Variants in DPH6 observed in about 807,000 individuals in gnomAD.
DPH6 encodes the protein diphthine--ammonia ligase.
In DPH6, 33 loss-of-function variants were observed where a neutral mutation model predicts 38.2. That is an observed-to-expected ratio of 0.86 (90% confidence interval 0.65 to 1.15). DPH6 has a LOEUF of 1.15. Ranked by LOEUF, DPH6 falls within the 50% of genes most tolerant of loss-of-function variation. DPH6 has a pLI of 0.00. For missense variants in DPH6, 325 were observed against 320.0 expected (o/e 1.02, Z -0.12); for synonymous variants, 108 against 103.0 (o/e 1.05, Z -0.30).
intron 3 of DPH6, among the ~76,000 whole-genome samples, chr15:35,311,856 A>T (rs1260827038): frequency 6.6e-6 from 1 of 152,182 alleles, no homozygotes; most frequent in Non-Finnish European, 1.5e-5. Flanking sequence ...TATGCCAAGG[A>T]TGCTGCAGAA....
At chr15:35,336,918 G>A (rs1227205544) in intron 3 of DPH6, among the ~76,000 whole-genome samples, 3 of 151,880 alleles carry the variant, frequency 2.0e-5, no homozygotes, top group African/African-American at 7.3e-5. Context: ...TTTTTTGGTT[G>A]TGTCTCTGCC....
At chr15:35,350,708 G>C (rs1359219497) in intron 3 of DPH6, among the ~76,000 whole-genome samples, 3 of 152,132 alleles carry the variant, frequency 2.0e-5, no homozygotes, top group African/African-American at 4.8e-5. Flanking sequence ...TCATTCAAGA[G>C]TGTATTAATT....
At chr15:35,388,433 G>T (rs1381300069) in intron 6 of DPH6, among the ~76,000 whole-genome samples, 1 of 152,144 alleles carries the variant, frequency 6.6e-6, no homozygotes, top group African/African-American at 2.4e-5. Context: ...GCTCCTCCTT[G>T]TATCTCTGGT....
chr15:35,184,432 G>A, the DPH6 span, among the ~76,000 whole-genome samples: 2 of 152,092 alleles, frequency 1.3e-5, no homozygotes, highest in African/African-American at 4.8e-5. Flanking sequence ...TAATAGGATT[G>A]GCCTCAAAGC....
At chr15:35,162,674 A>G in the DPH6 span, among the ~76,000 whole-genome samples, 2 of 151,798 alleles carry the variant, frequency 1.3e-5, no homozygotes, top group Non-Finnish European at 1.5e-5. Flanking sequence ...AATTTTTTTA[A>G]TCAACTCTCT....
chr15:35,364,709 TTTTTC>T (rs1319994177), intron 3 of DPH6, among the ~76,000 whole-genome samples: 2 of 152,034 alleles, frequency 1.3e-5, no homozygotes, highest in Non-Finnish European at 2.9e-5. Flanking sequence ...TTTTTTTTCC[TTTTTC>T]TTTTGTTTCC....
chr15:35,161,673 G>C, the DPH6 span, among the ~76,000 whole-genome samples: 1 of 146,882 alleles, frequency 6.8e-6, no homozygotes, highest in African/African-American at 2.5e-5. Context: ...GAGACACCAA[G>C]AGCTAGCTTG....
chr15:35,352,117 T>A lies in DPH6; in HGVS notation n.208-21040A>T, dbSNP rs374719341. Among the ~76,000 whole-genome samples the A allele has an allele frequency of 7.2e-5, 11 of 152,364 alleles. No homozygotes were observed. The South Asian group carries it at 2.1e-3, about 29-fold the overall frequency. ...TTTTCTAATTTATGTAAGTATTAAA[T>A]GTTAAGGTGCATGATTACAGTATTA... On this transcript the variant is annotated intron_variant and non_coding_transcript_variant, in intron 3 of 3. Transcript: ENST00000558973.
chr15:35,492,962 T>C (rs982827729), intron 3 of DPH6, among the ~76,000 whole-genome samples: 1 of 152,178 alleles, frequency 6.6e-6, no homozygotes, highest in Non-Finnish European at 1.5e-5. Flanking sequence ...ATGTTACAAA[T>C]ATACAGCCAA....
chr15:35,479,169 T>C (rs2054297792), intron 3 of DPH6, among the ~76,000 whole-genome samples: 1 of 152,092 alleles, frequency 6.6e-6, no homozygotes, highest in Non-Finnish European at 1.5e-5. Flanking sequence ...TCATTCTTTT[T>C]CACTGAGTGC....
At chr15:35,460,706 T>G (rs548591950) in intron 3 of DPH6, among the ~76,000 whole-genome samples, 1 of 152,306 alleles carries the variant, frequency 6.6e-6, no homozygotes, top group African/African-American at 2.4e-5. Context: ...CTTACAAAGT[T>G]AACTATGACC....
intron 3 of DPH6, among the ~76,000 whole-genome samples, chr15:35,248,365 A>G (rs1194520311): frequency 1.3e-5 from 2 of 152,102 alleles, no homozygotes; most frequent in African/African-American, 4.8e-5. Context: ...TTATTTGACC[A>G]CTTTGTTTGA....
At chr15:35,366,511 T>A (rs1374143388), downstream of DPH6, among the ~76,000 whole-genome samples, 1 of 151,922 alleles carries the variant, frequency 6.6e-6, no homozygotes, top group Non-Finnish European at 1.5e-5. Flanking sequence ...AAATTAAAAA[T>A]ACATGCTCAT....
At chr15:35,481,597 G>T (rs1432128815) in intron 3 of DPH6, among the ~76,000 whole-genome samples, 2 of 152,046 alleles carry the variant, frequency 1.3e-5, no homozygotes, top group Non-Finnish European at 2.9e-5. Flanking sequence ...GCATGATTAT[G>T]GTGTAATTAT....
chr15:35,145,916 C>G, the DPH6 span, among the ~76,000 whole-genome samples: 1 of 152,034 alleles, frequency 6.6e-6, no homozygotes, highest in Non-Finnish European at 1.5e-5. Flanking sequence ...GTTTTAAAAA[C>G]AAATAGTATA....
chr15:35,480,047 T>TA (rs1054282629), intron 3 of DPH6, among the ~76,000 whole-genome samples: 1 of 152,028 alleles, frequency 6.6e-6, no homozygotes, highest in East Asian at 1.9e-4. Context: ...ATGCTTTGTT[T>TA]AAAAAAGTAC....
the DPH6 span, among the ~76,000 whole-genome samples, chr15:35,152,587 C>T: frequency 6.6e-6 from 1 of 152,178 alleles, no homozygotes; most frequent in African/African-American, 2.4e-5. Context: ...GCAACCTCCA[C>T]CTCCCAGGTT....
chr15:35,168,501 T>G, the DPH6 span, among the ~76,000 whole-genome samples: 1 of 152,018 alleles, frequency 6.6e-6, no homozygotes, highest in East Asian at 1.9e-4. Context: ...CAGTTTTTAC[T>G]GATGATAATG....
intron 3 of DPH6, among the ~76,000 whole-genome samples, chr15:35,355,740 G>T (rs930370349): frequency 2.0e-5 from 3 of 152,210 alleles, no homozygotes; most frequent in South Asian, 2.1e-4. Flanking sequence ...TTCAACTTTG[G>T]TGAGTCTGAC....
Sources: gnomAD v4.1 joint callset for allele counts (sites outside exome capture counted in the v4.1 genomes callset) on GRCh38, gnomAD v4.1.1 for gene constraint, MANE v1.5 for transcripts, NCBI Gene and HGNC (gene_info 2026-07-23, HGNC 2026-07-21) for gene names.